VARS1: variants seen among roughly 807,000 people sequenced by gnomAD.
VARS1 encodes valyl-tRNA synthetase 1.
VARS1 carries 92 observed loss-of-function variants against 161.0 expected under a neutral mutation model. The observed-to-expected ratio is 0.57, with a 90% CI of 0.48 to 0.68. The LOEUF (loss-of-function observed/expected upper bound fraction) is 0.68. Ranked by LOEUF, VARS1 falls within the 30% of genes least tolerant of loss-of-function variation. The pLI, the probability that VARS1 is intolerant of heterozygous loss-of-function variation, is 0.00. For synonymous variants in VARS1, 595 were observed against 682.5 expected, an observed-to-expected ratio of 0.87 and a Z score of 2.00; for missense variants, 1,338 against 1,695.9, an observed-to-expected ratio of 0.79 and a Z score of 3.71.
chr6:31,780,842 C>T lies in VARS1; in HGVS notation c.2718+28G>A. 6.2e-7 allele frequency: 1 copy of T among 1,614,136 alleles called. No individual in the cohort carries two copies. Among genetic ancestry groups the T allele is most frequent in the Non-Finnish European group, 8.5e-7 (1 of 1,180,012 alleles). ...AGCCAGCCCCATCCACGCTGTGCTC[C>T]TGCTTAGCCCAGCCCAACCCTCCAT... On this transcript the variant is annotated intron_variant, in intron 23 of 29. Transcript: ENST00000375663. The surrounding 1 kb of genome is among the most constrained non-coding windows in gnomAD (Gnocchi z 5.1).
rs1812905597 is a variant in VARS1, at chr6:31,778,768, A to G, written c.3726+199T>C. ...GTGATCCACCCACCTTGGCCTCCCA[A>G]ATTTCTGGGATTACAGGTGTGAGCC... On this transcript the variant is annotated intron_variant, in intron 29 of 29. Transcript: ENST00000375663. The surrounding 1 kb of genome is among the most constrained non-coding windows in gnomAD (Gnocchi z 5.1). 1.4e-6 allele frequency: 1 copy of G among 730,436 alleles called. No individual in the cohort carries two copies. Among genetic ancestry groups the G allele is most frequent in the Non-Finnish European group, 2.2e-6 (1 of 460,620 alleles). The allele number at this position is 730,436 out of a possible 1,614,324, so 45.2% of individuals were successfully genotyped here.
At position 31,792,306 on chromosome 6, in the gene VARS1, T is replaced by C; in HGVS notation, c.787-5A>G. The C allele has an allele frequency of 6.2e-7, 1 of 1,613,790 alleles. No individual in the cohort carries two copies. The highest frequency in any genetic ancestry group is 8.5e-7 in the Non-Finnish European group (1 of 1,179,954). On this transcript the variant is annotated splice_region_variant and splice_polypyrimidine_tract_variant and intron_variant, in intron 5 of 29. Transcript: ENST00000375663. ...CTTCTCTGGTTTTGGTTTCTTCTGC[T>C]TGGGAGGGAGAAGACATAGGCCCAG...
rs571096545 is a variant in VARS1, at chr6:31,785,441, G to C, written c.1266-114C>G. 1.4e-5 allele frequency: 22 copies of C among 1,536,316 alleles called. No homozygotes were observed. In the African/African-American group the frequency reaches 2.3e-4, roughly 16 times the overall value. ...CCCCCTGAAATTTACCTGGGCCCTA[G>C]AGCCAACTGACTCTGCCTCTGTGGG... On this transcript the variant is annotated intron_variant, in intron 9 of 29. Transcript: ENST00000375663. This position sits in a 1 kb window ranked among gnomAD's most constrained non-coding sequence, Gnocchi z 6.1.
rs1454323937 is a variant in VARS1 at position 31,785,710 on chromosome 6, G to A, written c.1124C>T (p.Thr375Ile). 1 of 1,612,476 alleles carries A rather than the reference G, an allele frequency of 6.2e-7. No homozygotes were observed. Among genetic ancestry groups the A allele is most frequent in the Non-Finnish European group, 8.5e-7 (1 of 1,179,860 alleles). The change falls in exon 9 of 30, where the codon ACC becomes ATC. Residue 375 changes from threonine to isoleucine, a missense_variant. Around this residue, in one of 3 missense-constraint regions of VARS1, gnomAD observed 902 missense variants for 1,090.3 expected, o/e 0.83. Coordinates refer to ENST00000375663, the MANE Select transcript of VARS1 (RefSeq NM_006295.3). The surrounding 1 kb of genome is among the most constrained non-coding windows in gnomAD (Gnocchi z 6.1). ...ATGGTCACAGCCAGGGTTCCACAGG[G>A]TGGTCTCCCCACGCATGCGGTGCCT... ...TRWHRMRGET[T>I]LWNPGCDHAG...
intron 2 of VARS1, among the ~76,000 whole-genome samples, chr6:31,793,997 AG>A (rs1814078062): frequency 6.6e-6 from 1 of 151,164 alleles, no homozygotes; most frequent in South Asian, 2.1e-4. Flanking sequence ...CCAGCTACTC[AG>A]AAGGCTGAGG....
chr6:31,779,602 C>T lies in VARS1; in HGVS notation c.3288+6G>A. 1 of 1,612,068 alleles carries T rather than the reference C, an allele frequency of 6.2e-7. No homozygotes were observed. On this transcript the variant is annotated splice_donor_region_variant and intron_variant, in intron 27 of 29. Coordinates refer to ENST00000375663, the MANE Select transcript of VARS1 (RefSeq NM_006295.3). This position sits in a 1 kb window ranked among gnomAD's most constrained non-coding sequence, Gnocchi z 9.1. ...GTCAGACTCCCCTCTCCAGGCCATG[C>T]CATACCTCTGAGGGCTCCGGGTAGG...
chr6:31,778,749 C>T lies in VARS1; in HGVS notation c.3726+218G>A. The T allele has an allele frequency of 1.6e-6, 1 of 624,424 alleles. No homozygotes were observed. The highest frequency in any genetic ancestry group is 2.7e-6 in the Non-Finnish European group (1 of 365,336). 38.7% of individuals were successfully genotyped at this position (624,424 alleles called of 1,614,324 possible). On this transcript the variant is annotated intron_variant, in intron 29 of 29. Transcript: ENST00000375663. This position sits in a 1 kb window ranked among gnomAD's most constrained non-coding sequence, Gnocchi z 5.1. ...CTCAAACCCCTGGGCTCAAGTGATC[C>T]ACCCACCTTGGCCTCCCAAATTTCT...
At position 31,781,918 on chromosome 6, in the gene VARS1, T is replaced by C. The variant is rs772110719; in HGVS notation, c.2276A>G (p.Asn759Ser). 40 of 1,612,834 alleles carry C rather than the reference T, an allele frequency of 2.5e-5. No homozygotes were observed. The highest frequency in any genetic ancestry group is 3.4e-5 in the Non-Finnish European group (40 of 1,180,018). ...TGCCTTCTCCCGGGCCTCCGCCTCA[T>C]TGCGTCCACTCACCCAGTACCGCCC... is the stretch of plus-strand genomic sequence containing the variant. ...PDGRYWVSGRNEAEAREKAAK... is the reference protein window; with the variant it reads ...PDGRYWVSGRSEAEAREKAAK... The change falls in exon 19 of 30, where the codon AAT becomes AGT. Residue 759 changes from asparagine to serine, a missense_variant. Physicochemically the swap from Asn to Ser is conservative, Grantham distance 46. This residue lies in a region of VARS1 where 902 missense variants were observed against 1,090.3 expected (regional missense o/e 0.83). Transcript: ENST00000375663. The surrounding 1 kb of genome is among the most constrained non-coding windows in gnomAD (Gnocchi z 6.8).
In VARS1 at chr6:31,780,247, T is replaced by C; in HGVS notation, c.2926-94A>G. The C allele has an allele frequency of 6.4e-7, 1 of 1,565,200 alleles. No homozygotes were observed. On this transcript the variant is annotated intron_variant, in intron 25 of 29. Coordinates refer to ENST00000375663, the MANE Select transcript of VARS1 (RefSeq NM_006295.3). The surrounding 1 kb of genome is among the most constrained non-coding windows in gnomAD (Gnocchi z 5.1). ...CATGGGCAAATCTTCATCCAGAGTC[T>C]GATGAGTCCAAAGCAACCACCTATG...
chr6:31,789,930 A>G (rs1012630698), intron 8 of VARS1, among the ~76,000 whole-genome samples: 1 of 152,040 alleles, frequency 6.6e-6, no homozygotes, highest in Non-Finnish European at 1.5e-5. Flanking sequence ...AGGCTGAGGC[A>G]GGAGAATGGC....
In VARS1 at chr6:31,781,558, G is replaced by A. The variant is rs762945393; in HGVS notation, c.2467C>T (p.His823Tyr). ...FYPGTLLETG[H>Y]DILFFWVARM... ...GCCACCCAGAAGAAGAGGATGTCAT[G>A]ACCGGTCTCCAGCAGTGTCCCGGGG... The change falls in exon 21 of 30, where the codon CAT (histidine) becomes TAT (tyrosine). Residue 823 changes from histidine to tyrosine, a missense_variant. Around this residue, in one of 3 missense-constraint regions of VARS1, gnomAD observed 3 missense variants for 19.5 expected, o/e 0.15. Transcript: ENST00000375663. This position sits in a 1 kb window ranked among gnomAD's most constrained non-coding sequence, Gnocchi z 6.8. 1.2e-6 allele frequency: 2 copies of A among 1,612,986 alleles called. No homozygotes were observed. The highest frequency in any genetic ancestry group is 1.7e-6 in the Non-Finnish European group (2 of 1,180,008).
intron 2 of VARS1, among the ~76,000 whole-genome samples, chr6:31,793,701 A>AC (rs1398075887): frequency 3.9e-5 from 6 of 152,160 alleles, no homozygotes; most frequent in Non-Finnish European, 8.8e-5. Flanking sequence ...GATGGACAGA[A>AC]CCCTGACCTG....
At chr6:31,783,360 A>G in intron 13 of VARS1, 174 bp from the exon 14 acceptor site, 1 of 634,430 alleles carries the variant, frequency 1.6e-6, no homozygotes. Flanking sequence ...CAAAAAAAAA[A>G]TTAGCCAGGT....
chr6:31,785,729 G>A lies in VARS1; in HGVS notation c.1105C>T (p.Arg369Cys), dbSNP rs757475772. 3 of 1,609,868 alleles carry A rather than the reference G, an allele frequency of 1.9e-6. No homozygotes were observed. Among genetic ancestry groups the A allele is most frequent in the Non-Finnish European group, 2.5e-6 (3 of 1,178,786 alleles). ...AIQDSLTRWH[R>C]MRGETTLWNP... ...CACAGGGTGGTCTCCCCACGCATGC[G>A]GTGCCTGTTAGGGGGCATGGAGGAC... The change falls in exon 9 of 30, where the codon CGC (arginine) becomes TGC (cysteine). Residue 369 changes from arginine (R) to cysteine (C), a missense_variant. This residue lies in a region of VARS1 where 902 missense variants were observed against 1,090.3 expected (regional missense o/e 0.83). Transcript: ENST00000375663. The surrounding 1 kb of genome is among the most constrained non-coding windows in gnomAD (Gnocchi z 6.1).
rs745535052 is a variant in VARS1 at position 31,791,999 on chromosome 6, G to A, written c.872-28C>T. 49 of 1,543,264 alleles carry A rather than the reference G, an allele frequency of 3.2e-5. No individual in the cohort carries two copies. The highest frequency in any genetic ancestry group is 4.0e-5 in the Admixed American group (2 of 50,150). On this transcript the variant is annotated intron_variant, in intron 6 of 29. Coordinates refer to ENST00000375663, the MANE Select transcript of VARS1 (RefSeq NM_006295.3). This position sits in a 1 kb window ranked among gnomAD's most constrained non-coding sequence, Gnocchi z 5.0. Reference sequence around the variant, plus strand: ...GGGGGAGAGGAAGGGAGGGCTCAGTGCCGTGGCTGGGAGCACTCTGGGAAG... The same window carrying A: ...GGGGGAGAGGAAGGGAGGGCTCAGTACCGTGGCTGGGAGCACTCTGGGAAG...
At position 31,779,110 on chromosome 6, in the gene VARS1, C is replaced by G. The variant is rs34120100; in HGVS notation, c.3583G>C (p.Val1195Leu). 2 of 1,609,260 alleles carry G rather than the reference C, an allele frequency of 1.2e-6. No individual in the cohort carries two copies. Among genetic ancestry groups the G allele is most frequent in the Non-Finnish European group, 1.7e-6 (2 of 1,178,092 alleles). ...TTGCCCAGCTCCCGTGCAGGGTCCACCAGCCCCTGAAGCTGCAGGTGGATG... is the reference window on the plus strand; with the variant it reads ...TTGCCCAGCTCCCGTGCAGGGTCCAGCAGCCCCTGAAGCTGCAGGTGGATG... ...CSIHLQLQGL[V>L]DPARELGKLQ... The change falls in exon 29 of 30, where the codon GTG becomes CTG. Residue 1195 changes from valine to leucine, a missense_variant. Val to Leu is a conservative substitution (Grantham distance 32, BLOSUM62 1). Transcript: ENST00000375663. The surrounding 1 kb of genome is among the most constrained non-coding windows in gnomAD (Gnocchi z 9.1).
In VARS1 at chr6:31,782,566, C is replaced by T; in HGVS notation, c.1955G>A (p.Gly652Asp). The T allele has an allele frequency of 6.2e-7, 1 of 1,613,098 alleles. No homozygotes were observed. The highest frequency in any genetic ancestry group is 8.5e-7 in the Non-Finnish European group (1 of 1,180,042). The change falls in exon 16 of 30, where the codon GGC becomes GAC. Residue 652 changes from glycine to aspartate, a missense_variant. This residue lies in a region of VARS1 where 902 missense variants were observed against 1,090.3 expected (regional missense o/e 0.83). Coordinates refer to ENST00000375663, the MANE Select transcript of VARS1 (RefSeq NM_006295.3). The surrounding 1 kb of genome is among the most constrained non-coding windows in gnomAD (Gnocchi z 8.3). ...VALKERGLFR[G>D]IEDNPMVVPL... The stretch of plus-strand genomic sequence containing the variant: ...CACCACCATGGGGTTGTCCTCAATG[C>T]CACGGAACAGTCCCCGCTCCTTCAG...
chr6:31,788,771 C>T (rs1456196443), intron 8 of VARS1, among the ~76,000 whole-genome samples: 5 of 149,708 alleles, frequency 3.3e-5, no homozygotes, highest in East Asian at 2.0e-4. Context: ...ATTGCGCCAC[C>T]GCACTCCAGC....
rs1288031165 is a variant in VARS1 at position 31,780,672 on chromosome 6, G to C, written c.2797+33C>G. ...GGATGGGCCTCACAGAAGGAGGAAG[G>C]AGTGGCTGGGAGGGACGCTTTGGGG... On this transcript the variant is annotated intron_variant, in intron 24 of 29. Coordinates refer to ENST00000375663, the MANE Select transcript of VARS1 (RefSeq NM_006295.3). The surrounding 1 kb of genome is among the most constrained non-coding windows in gnomAD (Gnocchi z 5.1). 1.9e-6 allele frequency: 3 copies of C among 1,613,824 alleles called. No individual in the cohort carries two copies. Among genetic ancestry groups the C allele is most frequent in the Non-Finnish European group, 1.7e-6 (2 of 1,179,870 alleles).
Sources: gnomAD v4.1 joint callset for allele counts (sites outside exome capture counted in the v4.1 genomes callset) on GRCh38, gnomAD v4.1.1 for gene constraint, gnomAD v4.1.1 regional missense constraint, Gnocchi (gnomAD v3.1) non-coding constraint, MANE v1.5 for transcripts, NCBI Gene and HGNC (gene_info 2026-07-23, HGNC 2026-07-21) for gene names.